WDR75: variants seen among roughly 807,000 people sequenced by gnomAD.
WDR75 encodes the protein WD repeat domain 75.
A neutral mutation model predicts 106.1 loss-of-function variants in WDR75; 52 were observed. The ratio of observed to expected loss-of-function variants is 0.49; its 90% confidence interval spans 0.39 to 0.62. The LOEUF is 0.62. Among genes scored for constraint, WDR75 ranks in the 20% least tolerant of loss-of-function variants. The pLI is 0.00. For synonymous variants in WDR75, 333 were observed against 335.5 expected, an observed-to-expected ratio of 0.99 and a Z score of 0.08; for missense variants, 905 against 970.3, an observed-to-expected ratio of 0.93 and a Z score of 0.89.
chr2:189,467,735 C>T lies in WDR75; in HGVS notation c.1628+87C>T, dbSNP rs371490089. The stretch of plus-strand genomic sequence containing the variant: ...ACTTTAGTAGTCATTTATGCCCTCT[C>T]CAAAAGTAGCCTGAAGGTCAGTGGG... On this transcript the variant is annotated intron_variant, in intron 14 of 20. Coordinates refer to ENST00000314761, the MANE Select transcript of WDR75 (RefSeq NM_032168.3). The T allele has an allele frequency of 8.5e-5, 107 of 1,252,660 alleles. 1 individual carries two copies. The African/African-American group carries it at 1.5e-3, about 18-fold the overall frequency. 77.6% of individuals were successfully genotyped at this position (1,252,660 alleles called of 1,614,324 possible).
chr2:189,449,223 CA>C, intron 2 of WDR75: 1 of 1,296,974 alleles, frequency 7.7e-7, no homozygotes, highest in Non-Finnish European at 1.0e-6. Context: ...ATTTTTAATC[CA>C]ATTCCATTTT....
intron 1 of WDR75, 92 bp from the exon 2 acceptor site, chr2:189,448,287 C>G (rs1686541685): frequency 1.5e-6 from 2 of 1,376,210 alleles, no homozygotes; most frequent in Non-Finnish European, 1.9e-6. Context: ...AGTTCAAGAC[C>G]ACTGAAACAA....
chr2:189,451,849 C>G lies in WDR75; in HGVS notation c.327C>G (p.Ala109=). ...AACTTCATGCCCTCTTTACTCTTGC[C>G]CAAGCTGAGGATTCTGTCTTTGTTA... ...GCKLHALFTL[A]QAEDSVFVIV... is the part of the protein sequence containing the mutation. The change falls in exon 4 of 21, where the codon GCC becomes GCG. Residue 109 remains alanine, a synonymous_variant. Transcript: ENST00000314761. The G allele has an allele frequency of 6.2e-7, 1 of 1,613,634 alleles. No individual in the cohort carries two copies. Among genetic ancestry groups the G allele is most frequent in the Admixed American group, 1.7e-5 (1 of 60,004 alleles).
At chr2:189,446,876 C>T (rs889194147) in intron 1 of WDR75, among the ~76,000 whole-genome samples, 1 of 152,098 alleles carries the variant, frequency 6.6e-6, no homozygotes, top group Non-Finnish European at 1.5e-5. Flanking sequence ...ACTTTGGGGC[C>T]ATTATTAAGT....
intron 1 of WDR75, among the ~76,000 whole-genome samples, chr2:189,445,691 G>C (rs896593283): frequency 6.6e-6 from 1 of 152,188 alleles, no homozygotes; most frequent in African/African-American, 2.4e-5. Context: ...TAATATCTTA[G>C]TTTTGACTAA....
chr2:189,462,400 C>G (rs2304702), intron 8 of WDR75, 84 bp from the exon 9 acceptor site: 1,329,080 of 1,506,324 alleles, frequency 0.88, 591,455 homozygotes, highest in Non-Finnish European at 0.91. Flanking sequence ...AGTACGGTAG[C>G]AAAAACAAAA....
intron 3 of WDR75, 88 bp downstream of exon 3, chr2:189,451,056 A>C: frequency 7.1e-7 from 1 of 1,409,996 alleles, no homozygotes; most frequent in Non-Finnish European, 9.3e-7. Context: ...ATAAGGCCAA[A>C]TATTTAAATA....
chr2:189,453,920 C>T (rs903646856), intron 4 of WDR75, among the ~76,000 whole-genome samples: 3 of 152,260 alleles, frequency 2.0e-5, no homozygotes, highest in East Asian at 1.9e-4. Flanking sequence ...CTTTCATTTA[C>T]GTGTTATTTT....
chr2:189,460,795 C>T (rs532661531), intron 8 of WDR75, among the ~76,000 whole-genome samples: 5 of 152,226 alleles, frequency 3.3e-5, no homozygotes, highest in African/African-American at 1.2e-4. Context: ...CGTGAGCTAC[C>T]GTGCCCGGCC....
intron 16 of WDR75, 145 bp from the exon 17 acceptor site, chr2:189,469,931 C>A: frequency 1.5e-6 from 1 of 688,696 alleles, no homozygotes. Flanking sequence ...ACAGTAGATA[C>A]CTCTTGAATC....
Position 189,469,458 on chromosome 2 carries a change from T to G in WDR75, c.1819+19T>G, listed in dbSNP as rs758501270. 1 of 1,574,540 alleles carries G rather than the reference T, an allele frequency of 6.4e-7. No individual in the cohort carries two copies. Among genetic ancestry groups the G allele is most frequent in the Non-Finnish European group, 8.7e-7 (1 of 1,144,680 alleles). ...TCAGACTGTAAGTACAAACCACACT[T>G]TGTAGTAAGAGAACATCTATGACCT... On this transcript the variant is annotated intron_variant, in intron 16 of 20. Coordinates refer to ENST00000314761, the MANE Select transcript of WDR75 (RefSeq NM_032168.3).
At position 189,470,137 on chromosome 2, in the gene WDR75, G is replaced by C. The variant is rs766491611; in HGVS notation, c.1881G>C (p.Glu627Asp). 7 of 1,613,614 alleles carry C rather than the reference G, an allele frequency of 4.3e-6. No homozygotes were observed. The South Asian group carries it at 7.7e-5, about 18-fold the overall frequency. Reference sequence around the variant, plus strand: ...ATATTCAAAAGGGTATCTCCAGAGAGAAAGTCCAGTGGGGAGTGTTTGTTC... The same window carrying C: ...ATATTCAAAAGGGTATCTCCAGAGACAAAGTCCAGTGGGGAGTGTTTGTTC... ...PLYIQKGISR[E>D]KVQWGVFVPR... The change falls in exon 17 of 21, where the codon GAG becomes GAC. Residue 627 changes from glutamate to aspartate, a missense_variant. Transcript: ENST00000314761.
Position 189,462,620 on chromosome 2 carries a change from C to T in WDR75, c.915C>T (p.Phe305=), listed in dbSNP as rs370964637. 1.8e-5 allele frequency: 29 copies of T among 1,613,710 alleles called. No individual in the cohort carries two copies. Among genetic ancestry groups the T allele is most frequent in the Non-Finnish European group, 2.4e-5 (28 of 1,179,880 alleles). ...CAGTCTCGCCTGCAGGAGATTTATT[C>T]TGCACTTCTCACTCTGATAATAGTA... ...HISVSPAGDL[F]CTSHSDNKII... The change falls in exon 9 of 21, where the codon TTC becomes TTT. Residue 305 remains phenylalanine (F), a synonymous_variant. Transcript: ENST00000314761.
intron 8 of WDR75, among the ~76,000 whole-genome samples, chr2:189,460,747 C>T (rs1347358476): frequency 6.6e-6 from 1 of 152,070 alleles, no homozygotes; most frequent in Admixed American, 6.5e-5. Flanking sequence ...TCAGGCGATC[C>T]CCCCAGCCTC....
intron 4 of WDR75, among the ~76,000 whole-genome samples, chr2:189,453,725 C>A (rs1211871558): frequency 6.6e-6 from 1 of 152,062 alleles, no homozygotes; most frequent in Non-Finnish European, 1.5e-5. Context: ...TGAAAAGATC[C>A]CCTGTGCTAG....
chr2:189,449,087 C>T (rs1403299794), intron 2 of WDR75, among the ~76,000 whole-genome samples: 4 of 152,174 alleles, frequency 2.6e-5, no homozygotes, highest in Non-Finnish European at 5.9e-5. Flanking sequence ...GATTTTCCCA[C>T]GTCCCCCACA....
At chr2:189,446,759 A>G (rs1686507351) in intron 1 of WDR75, among the ~76,000 whole-genome samples, 3 of 152,224 alleles carry the variant, frequency 2.0e-5, no homozygotes, top group East Asian at 3.8e-4. Flanking sequence ...TTTCCTATAC[A>G]TACATACCTA....
chr2:189,472,972 T>C (rs1474352326), intron 18 of WDR75, among the ~76,000 whole-genome samples: 1 of 151,980 alleles, frequency 6.6e-6, no homozygotes, highest in African/African-American at 2.4e-5. Flanking sequence ...TAATCCCACA[T>C]TTTGGAAGGC....
At chr2:189,457,253 A>T in intron 5 of WDR75, 58 bp from the exon 6 acceptor site, 1 of 1,060,392 alleles carries the variant, frequency 9.4e-7, no homozygotes, top group Non-Finnish European at 1.4e-6. Context: ...AAAAAAAAAG[A>T]AAAAAAAAAG....
Sources: gnomAD v4.1 joint callset for allele counts (sites outside exome capture counted in the v4.1 genomes callset) on GRCh38, gnomAD v4.1.1 for gene constraint, MANE v1.5 for transcripts, NCBI Gene and HGNC (gene_info 2026-07-23, HGNC 2026-07-21) for gene names.